Variants in ILKAP observed in about 807,000 individuals in gnomAD.
ILKAP encodes the protein ILK associated serine/threonine phosphatase.
Under a neutral mutation model 49.1 loss-of-function variants are expected in ILKAP, and 11 were observed. That is an observed-to-expected ratio of 0.22 (90% confidence interval 0.14 to 0.37). The LOEUF is 0.37. Ranked by LOEUF, ILKAP falls within the 10% of genes least tolerant of loss-of-function variation. The pLI, the probability that ILKAP is intolerant of heterozygous loss-of-function variation, is 1.00. For missense variants in ILKAP, 363 were observed against 510.8 expected, an observed-to-expected ratio of 0.71 and a Z score of 2.79; for synonymous variants, 186 against 192.8, an observed-to-expected ratio of 0.96 and a Z score of 0.29.
In ILKAP at chr2:238,188,114, T is replaced by A. The variant is rs199781260; in HGVS notation, c.425+17A>T. On this transcript the variant is annotated intron_variant, in intron 5 of 11. Coordinates refer to ENST00000254654, the MANE Select transcript of ILKAP (RefSeq NM_030768.3). Reference sequence around the variant, plus strand: ...AGATGTTAATGCCAGCCGGGCTTCCTACCACATGAGACTCACATGAGGGAC... The same window carrying A: ...AGATGTTAATGCCAGCCGGGCTTCCAACCACATGAGACTCACATGAGGGAC... 2.5e-6 allele frequency: 4 copies of A among 1,613,116 alleles called. No individual in the cohort carries two copies. Among genetic ancestry groups the A allele is most frequent in the Non-Finnish European group, 2.5e-6 (3 of 1,179,260 alleles).
chr2:238,182,765 T>C (rs1343426140), intron 8 of ILKAP, among the ~76,000 whole-genome samples: 1 of 152,234 alleles, frequency 6.6e-6, no homozygotes, highest in African/African-American at 2.4e-5. Context: ...TTTGTTTTTT[T>C]GCCAATTTTC....
rs532677077 is a variant in ILKAP, at chr2:238,174,470, C to T, written c.837-817G>A. ...ATACTCAACGTGTGAGAGAGCACTC[C>T]GCAAATGCCACGGCTGCGCATGGGC... On this transcript the variant is annotated intron_variant, in intron 9 of 11. Coordinates refer to ENST00000254654, the MANE Select transcript of ILKAP (RefSeq NM_030768.3). Among the ~76,000 whole-genome samples the T allele has an allele frequency of 1.4e-4, 21 of 152,330 alleles. No individual in the cohort carries two copies. In the East Asian group the frequency reaches 3.5e-3, roughly 25 times the overall value.
rs757388320 is a variant in ILKAP, at chr2:238,171,044, T to C, written c.957-20A>G. ...ATGAACCTACAACACCAGGGAGAAA[T>C]ATAAACGGGTTTTAGGCCCAACCAA... On this transcript the variant is annotated intron_variant, in intron 10 of 11. Transcript: ENST00000254654. 5 of 1,592,218 alleles carry C rather than the reference T, an allele frequency of 3.1e-6. No individual in the cohort carries two copies. In the Admixed American group the frequency reaches 5.1e-5, roughly 16 times the overall value.
intron 9 of ILKAP, among the ~76,000 whole-genome samples, chr2:238,181,785 G>T (rs1693704349): frequency 6.6e-6 from 1 of 152,142 alleles, no homozygotes; most frequent in Non-Finnish European, 1.5e-5. Context: ...ACCACGAAAA[G>T]TGACAGTATT....
rs1479255784 is a variant in ILKAP at position 238,170,686 on chromosome 2, G to A, written c.1039-10C>T. 20 of 1,594,060 alleles carry A rather than the reference G, an allele frequency of 1.3e-5. No individual in the cohort carries two copies. Among genetic ancestry groups the A allele is most frequent in the Non-Finnish European group, 1.6e-5 (19 of 1,165,338 alleles). ...TCTGGATCTTTTCATCCTACCAGAT[G>A]AGAAAGGGAATGAGTGAATGGAGTG... On this transcript the variant is annotated splice_polypyrimidine_tract_variant and intron_variant, in intron 11 of 11. Transcript: ENST00000254654.
chr2:238,194,845 C>G lies in ILKAP; in HGVS notation c.81G>C (p.Leu27=), dbSNP rs140648615. 4.1e-5 allele frequency: 66 copies of G among 1,614,132 alleles called. No homozygotes were observed. Among genetic ancestry groups the G allele is most frequent in the African/African-American group, 3.6e-4 (27 of 75,052 alleles). ...AAGKEAQKGP[L]LFDDLPPASS... ...TGGCCGGAGGGAGGTCATCAAAGAG[C>G]AGGGGTCCTTTCTGAGCTTCTTTCC... is the stretch of plus-strand genomic sequence containing the variant. Residue 27 remains leucine, a synonymous_variant, in exon 2 of 12, where the codon CTG becomes CTC. Transcript: ENST00000254654.
chr2:238,195,762 G>T (rs912001771), intron 1 of ILKAP, among the ~76,000 whole-genome samples: 2 of 152,028 alleles, frequency 1.3e-5, no homozygotes, highest in Non-Finnish European at 2.9e-5. Context: ...GCTCATTTAC[G>T]CCAGGCGCAG....
At position 238,188,237 on chromosome 2, in the gene ILKAP, G is replaced by A; in HGVS notation, c.319C>T (p.Leu107=). The change falls in exon 5 of 12, where the codon CTG becomes TTG. Residue 107 remains leucine (L), a synonymous_variant. Coordinates refer to ENST00000254654, the MANE Select transcript of ILKAP (RefSeq NM_030768.3). The part of the protein sequence containing the change: ...VCKASSVIFG[L]KGYVAERKGE... The stretch of plus-strand genomic sequence containing the variant: ...TTCCGCTCAGCCACATAGCCCTTCA[G>A]ACCAAAGATCACCGAAGAGGCTAAG... 1.2e-6 allele frequency: 2 copies of A among 1,613,832 alleles called. No homozygotes were observed. The highest frequency in any genetic ancestry group is 1.7e-6 in the Non-Finnish European group (2 of 1,179,956).
At chr2:238,181,416 G>A (rs1440979080) in intron 9 of ILKAP, among the ~76,000 whole-genome samples, 1 of 152,152 alleles carries the variant, frequency 6.6e-6, no homozygotes, top group Admixed American at 6.5e-5. Context: ...TAAAACCAGA[G>A]CAGACATATG....
intron 9 of ILKAP, 83 bp from the exon 10 acceptor site, chr2:238,173,736 G>C: frequency 7.0e-7 from 1 of 1,434,664 alleles, no homozygotes; most frequent in Middle Eastern, 1.8e-4. Flanking sequence ...TAAAAGCAGA[G>C]AATGGAAGTG....
chr2:238,173,361 C>G (rs536899380), intron 10 of ILKAP, among the ~76,000 whole-genome samples, 173 bp downstream of exon 10: 1 of 152,154 alleles, frequency 6.6e-6, no homozygotes, highest in African/African-American at 2.4e-5. Flanking sequence ...TGTGTCCCCC[C>G]CTACCACTGT....
intron 3 of ILKAP, among the ~76,000 whole-genome samples, chr2:238,191,294 G>A (rs753584304): frequency 6.6e-6 from 1 of 151,992 alleles, no homozygotes; most frequent in Non-Finnish European, 1.5e-5. Flanking sequence ...ATCACACCCA[G>A]CTAATTTTTG....
At chr2:238,170,777 A>G (rs1401240641) in intron 11 of ILKAP, 101 bp from the exon 12 acceptor site, 2 of 1,574,216 alleles carry the variant, frequency 1.3e-6, no homozygotes, top group Non-Finnish European at 1.7e-6. Flanking sequence ...GGTCTCCATC[A>G]GGGCTGGCAG....
At chr2:238,185,586 G>A (rs376640384) in intron 5 of ILKAP, 90 of 261,640 alleles carry the variant, frequency 3.4e-4, no homozygotes, top group Non-Finnish European at 5.8e-4. Flanking sequence ...GGCGGATCAC[G>A]AGATCAGGAG....
At chr2:238,190,117 C>T in intron 3 of ILKAP, 145 bp from the exon 4 acceptor site, 2 of 685,120 alleles carry the variant, frequency 2.9e-6, no homozygotes, top group Non-Finnish European at 4.5e-6. Context: ...GGAGTTGTGT[C>T]TTCATGGTTG....
intron 8 of ILKAP, among the ~76,000 whole-genome samples, chr2:238,183,050 A>G (rs1352748670): frequency 2.0e-5 from 3 of 152,150 alleles, no homozygotes; most frequent in Admixed American, 6.5e-5. Flanking sequence ...AACGGAACAC[A>G]TGGTCCTGAT....
At chr2:238,174,731 T>C (rs1160438457) in intron 9 of ILKAP, among the ~76,000 whole-genome samples, 3 of 152,186 alleles carry the variant, frequency 2.0e-5, no homozygotes, top group African/African-American at 4.8e-5. Context: ...AGCCTAGCGA[T>C]CTTCTAGGAT....
intron 3 of ILKAP, among the ~76,000 whole-genome samples, chr2:238,193,082 A>C (rs1694206369): frequency 6.6e-6 from 1 of 152,234 alleles, no homozygotes; most frequent in South Asian, 2.1e-4. Context: ...TATCCAAAAA[A>C]TTAAGCTTGT....
At chr2:238,177,365 G>A (rs1693506076) in intron 9 of ILKAP, among the ~76,000 whole-genome samples, 1 of 152,162 alleles carries the variant, frequency 6.6e-6, no homozygotes, top group South Asian at 2.1e-4. Context: ...TAAGTGTACA[G>A]TTCAGCAGCA....
Sources: gnomAD v4.1 joint callset for allele counts (sites outside exome capture counted in the v4.1 genomes callset) on GRCh38, gnomAD v4.1.1 for gene constraint, MANE v1.5 for transcripts, NCBI Gene and HGNC (gene_info 2026-07-23, HGNC 2026-07-21) for gene names.